The following PNPO variants were observed in gnomAD, a reference collection of about 807,000 sequenced individuals.
PNPO encodes the protein pyridoxamine 5'-phosphate oxidase.
PNPO carries 39 observed loss-of-function variants against 35.0 expected under a neutral mutation model. The ratio of observed to expected loss-of-function variants is 1.11; its 90% CI spans 0.86 to 1.45. PNPO has a LOEUF of 1.45. Ranked by LOEUF, PNPO falls within the 40% of genes most tolerant of loss-of-function variation. The pLI is 0.00. For missense variants in PNPO, 288 were observed against 340.0 expected, an observed-to-expected ratio of 0.85 and a Z score of 1.20; for synonymous variants, 115 against 119.8, an observed-to-expected ratio of 0.96 and a Z score of 0.26.
chr17:47,948,707 C>T lies in PNPO; in HGVS notation c.*1925C>T, dbSNP rs2036039370. ...TCAACCTCTAAACCAAGACCTCCCA[C>T]CCTCACAGTCTATGATCCTTTAGTG... On this transcript the variant is annotated 3_prime_UTR_variant, in exon 7 of 7. Coordinates refer to ENST00000642017, the MANE Select transcript of PNPO (RefSeq NM_018129.4). 1.3e-5 allele frequency: 2 copies of T among 152,340 alleles called. No individual in the cohort carries two copies. Among genetic ancestry groups the T allele is most frequent in the Non-Finnish European group, 1.5e-5 (1 of 68,126 alleles). 9.4% of individuals were successfully genotyped at this position (152,340 alleles called of 1,614,324 possible).
Position 47,941,653 on chromosome 17 carries a change from G to C in PNPO, c.-23G>C. The C allele has an allele frequency of 6.6e-7, 1 of 1,521,256 alleles. No homozygotes were observed. Among genetic ancestry groups the C allele is most frequent in the Non-Finnish European group, 8.9e-7 (1 of 1,126,940 alleles). The allele number at this position is 1,521,256 out of a possible 1,614,324, so 94.2% of individuals were successfully genotyped here. On this transcript the variant is annotated 5_prime_UTR_variant, in exon 1 of 7. Coordinates refer to ENST00000642017, the MANE Select transcript of PNPO (RefSeq NM_018129.4). ...GGAACCCAGTGCCGGGCCACAGCCG[G>C]GTCACGTGGCCGGCGGCCCCCCATG...
chr17:47,942,049 T>C (rs561230776), intron 1 of PNPO: 5 of 1,312,678 alleles, frequency 3.8e-6, no homozygotes, highest in Admixed American at 3.4e-5. Flanking sequence ...CCTTTCGTAA[T>C]GGGTAAGAGC....
chr17:47,943,962 C>G (rs2035976338), intron 2 of PNPO, among the ~76,000 whole-genome samples: 1 of 152,208 alleles, frequency 6.6e-6, no homozygotes, highest in Non-Finnish European at 1.5e-5. Context: ...CCACTGTGAT[C>G]CCGAAGCATT....
intron 5 of PNPO, 38 bp downstream of exon 5, chr17:47,946,027 G>A (rs993086176): frequency 6.2e-7 from 1 of 1,611,458 alleles, no homozygotes. Context: ...AGGTGGTGGA[G>A]GCTTTGGCTT....
rs886053101 is a variant in PNPO at position 47,946,664 on chromosome 17, C to T, written c.668C>T (p.Thr223Ile). Residue 223 changes from threonine (T) to isoleucine (I), a missense_variant, in exon 7 of 7, where the codon ACC (threonine) becomes ATC (isoleucine). Physicochemically the swap from Thr to Ile is moderately conservative, Grantham distance 89. Coordinates refer to ENST00000642017, the MANE Select transcript of PNPO (RefSeq NM_018129.4). ...PQVMEFWQGQTNRLHDRIVFR... is the reference protein window; with the variant it reads ...PQVMEFWQGQINRLHDRIVFR... ...GTGATGGAGTTCTGGCAAGGTCAAA[C>T]CAACCGCCTGCATGACCGGATAGTC... is the stretch of plus-strand genomic sequence containing the variant. 6.2e-7 allele frequency: 1 copy of T among 1,614,200 alleles called. No individual in the cohort carries two copies. Among genetic ancestry groups the T allele is most frequent in the South Asian group, 1.1e-5 (1 of 91,084 alleles).
intron 2 of PNPO, among the ~76,000 whole-genome samples, chr17:47,943,739 C>T (rs1289091508): frequency 1.3e-5 from 2 of 152,238 alleles, no homozygotes; most frequent in African/African-American, 4.8e-5. Flanking sequence ...TCAGGAGCTA[C>T]TTCTCCTGGT....
chr17:47,947,085 C>G lies in PNPO; in HGVS notation c.*303C>G, dbSNP rs1261793749. 7.9e-6 allele frequency: 3 copies of G among 381,896 alleles called. No individual in the cohort carries two copies. Among genetic ancestry groups the G allele is most frequent in the Non-Finnish European group, 1.5e-5 (3 of 202,698 alleles). The allele number at this position is 381,896 out of a possible 1,614,324, so 23.7% of individuals were successfully genotyped here. A position where few individuals can be genotyped will look rare whatever the true frequency, so the allele number is the denominator to read the frequency against. ...TAGGGGTAGCAGCCGGTGTGACTCC[C>G]TTTCTGGTGACAGACAGGGCCCCAG... On this transcript the variant is annotated 3_prime_UTR_variant, in exon 7 of 7. Transcript: ENST00000642017.
Position 47,946,775 on chromosome 17 carries a change from C to A in PNPO, c.779C>A (p.Ala260Glu). 2 of 1,614,040 alleles carry A rather than the reference C, an allele frequency of 1.2e-6. No homozygotes were observed. The highest frequency in any genetic ancestry group is 1.7e-6 in the Non-Finnish European group (2 of 1,179,964). Residue 260 changes from alanine (A) to glutamate (E), a missense_variant, in exon 7 of 7, where the codon GCA becomes GAA. Coordinates refer to ENST00000642017, the MANE Select transcript of PNPO (RefSeq NM_018129.4). ...GAAGACTGGCTCTATGAGAGACTTG[C>A]ACCTTAACTCTGGGACCTGCTGGCC... ...GEEDWLYERL[A>E]P
chr17:47,945,552 C>T lies in PNPO; in HGVS notation c.364-7C>T. On this transcript the variant is annotated splice_polypyrimidine_tract_variant and splice_region_variant and intron_variant, in intron 3 of 6. Transcript: ENST00000642017. This position sits in a 1 kb window ranked among gnomAD's most constrained non-coding sequence, Gnocchi z 4.0. ...ATGGCTGGCTGTGGATTCTCTTTTA[C>T]TTCTAGGACTCTAATCCCTTTGCTT... 6.2e-7 allele frequency: 1 copy of T among 1,611,672 alleles called. No individual in the cohort carries two copies. The highest frequency in any genetic ancestry group is 8.5e-7 in the Non-Finnish European group (1 of 1,177,780).
chr17:47,943,412 G>C lies in PNPO; in HGVS notation c.245G>C (p.Cys82Ser). The change falls in exon 2 of 7, where the codon TGT (cysteine) becomes TCT (serine). Residue 82 changes from cysteine to serine, a missense_variant. By Grantham distance (112) the Cys-to-Ser change is moderately radical. Transcript: ENST00000642017. ...CPDIGEANAM[C>S]LATCTRDGKP... Reference sequence around the variant, plus strand: ...GACATAGGGGAAGCCAATGCCATGTGTCTGGCTACCTGCACCAGGTGGGCA... The same window carrying C: ...GACATAGGGGAAGCCAATGCCATGTCTCTGGCTACCTGCACCAGGTGGGCA... 6.2e-7 allele frequency: 1 copy of C among 1,613,872 alleles called. No individual in the cohort carries two copies. Among genetic ancestry groups the C allele is most frequent in the Non-Finnish European group, 8.5e-7 (1 of 1,179,818 alleles).
chr17:47,945,050 C>A lies in PNPO; in HGVS notation c.363+335C>A. The A allele has an allele frequency of 2.4e-6, 1 of 415,712 alleles. No individual in the cohort carries two copies. The highest frequency in any genetic ancestry group is 4.5e-6 in the Non-Finnish European group (1 of 221,066). The allele number at this position is 415,712 out of a possible 1,614,324, so 25.8% of individuals were successfully genotyped here. On this transcript the variant is annotated intron_variant, in intron 3 of 6. Coordinates refer to ENST00000642017, the MANE Select transcript of PNPO (RefSeq NM_018129.4). The surrounding 1 kb of genome is among the most constrained non-coding windows in gnomAD (Gnocchi z 4.0). ...TTGCAACTTTCTTTTTTGTCTTCTT[C>A]TTCAGTTTGTAACTGAGCATTTGTT...
chr17:47,944,200 C>CGT (rs3047638), intron 2 of PNPO, among the ~76,000 whole-genome samples: 23,933 of 142,092 alleles, frequency 0.17, 2,122 homozygotes, highest in Middle Eastern at 0.27. Context: ...CACTGCCTTT[C>CGT]GTGTGTGTGT....
At position 47,945,692 on chromosome 17, in the gene PNPO, C is replaced by A; in HGVS notation, c.417+80C>A. 6.9e-7 allele frequency: 1 copy of A among 1,453,406 alleles called. No individual in the cohort carries two copies. Among genetic ancestry groups the A allele is most frequent in the Non-Finnish European group, 9.7e-7 (1 of 1,034,084 alleles). 90.0% of individuals were successfully genotyped at this position (1,453,406 alleles called of 1,614,324 possible). On this transcript the variant is annotated intron_variant, in intron 4 of 6. Coordinates refer to ENST00000642017, the MANE Select transcript of PNPO (RefSeq NM_018129.4). The surrounding 1 kb of genome is among the most constrained non-coding windows in gnomAD (Gnocchi z 4.0). ...TTTATGGCTACGTCTAGCGAAGGTCCCCAGACTGGGCAAACATCCCAGCTG... is the reference window on the plus strand; with the variant it reads ...TTTATGGCTACGTCTAGCGAAGGTCACCAGACTGGGCAAACATCCCAGCTG...
At chr17:47,944,351 G>A (rs1185620435) in intron 2 of PNPO, among the ~76,000 whole-genome samples, 6 of 151,930 alleles carry the variant, frequency 3.9e-5, no homozygotes, top group Admixed American at 3.9e-4. Flanking sequence ...CCTCCATAAG[G>A]TCCCCTTCTC....
At position 47,941,786 on chromosome 17, in the gene PNPO, G is replaced by T. The variant is rs1227036949; in HGVS notation, c.111G>T (p.Met37Ile). Residue 37 changes from methionine (M) to isoleucine (I), a missense_variant, in exon 1 of 7, where the codon ATG becomes ATT. Transcript: ENST00000642017. The stretch of plus-strand genomic sequence containing the variant: ...GTGCTGCCATGGACCTGGGACCCAT[G>T]CGCAAGAGTTACCGCGGGGACCGAG... ...GRSAAMDLGP[M>I]RKSYRGDREA... 6.4e-7 allele frequency: 1 copy of T among 1,570,402 alleles called. No individual in the cohort carries two copies. The highest frequency in any genetic ancestry group is 1.8e-5 in the Admixed American group (1 of 54,232).
intron 1 of PNPO, among the ~76,000 whole-genome samples, chr17:47,942,419 C>T (rs2035951548): frequency 6.6e-6 from 1 of 152,148 alleles, no homozygotes; most frequent in African/African-American, 2.4e-5. Flanking sequence ...TCACCCAAAC[C>T]TCCTTGTGCC....
Position 47,941,598 on chromosome 17 carries a change from C to G in PNPO, c.-78C>G. ...ATCCTTCCTTCCCCGGGGTAGAAGTCCAGGGTGAGAAATTGGTTCCGAACT... is the reference window on the plus strand; with the variant it reads ...ATCCTTCCTTCCCCGGGGTAGAAGTGCAGGGTGAGAAATTGGTTCCGAACT... On this transcript the variant is annotated 5_prime_UTR_variant, in exon 1 of 7. Transcript: ENST00000642017. The G allele has an allele frequency of 6.9e-7, 1 of 1,449,174 alleles. No individual in the cohort carries two copies. Among genetic ancestry groups the G allele is most frequent in the Non-Finnish European group, 9.2e-7 (1 of 1,092,582 alleles). 89.8% of individuals were successfully genotyped at this position (1,449,174 alleles called of 1,614,324 possible).
At chr17:47,942,112 T>C (rs1598195400) in intron 1 of PNPO, 1 of 992,684 alleles carries the variant, frequency 1.0e-6, no homozygotes, top group East Asian at 4.0e-5. Flanking sequence ...TGGGCCTCAG[T>C]TTCCTCATCT....
chr17:47,941,858 G>C, intron 1 of PNPO, 45 bp downstream of exon 1: 9 of 1,531,252 alleles, frequency 5.9e-6, no homozygotes, highest in Admixed American at 3.9e-5. Flanking sequence ...GGGGGAAAAG[G>C]GGTCCCCGGA....
Sources: allele counts gnomAD v4.1 joint callset (sites outside exome capture counted in the v4.1 genomes callset), GRCh38; gene constraint gnomAD v4.1.1; non-coding constraint Gnocchi (gnomAD v3.1); transcripts MANE v1.5; gene names NCBI Gene and HGNC (gene_info 2026-07-23, HGNC 2026-07-21).